The following TSC22D1 variants were observed in gnomAD, a reference collection of about 807,000 sequenced individuals.
TSC22D1 encodes TSC22 domain family member 1.
A neutral mutation model predicts 74.2 loss-of-function variants in TSC22D1; 9 were observed. The ratio of observed to expected loss-of-function variants is 0.12; its 90% CI spans 0.07 to 0.21. The LOEUF is 0.21. Ranked by LOEUF, TSC22D1 falls within the 10% of genes least tolerant of loss-of-function variation. The pLI is 1.00. For synonymous variants in TSC22D1, 586 were observed against 492.5 expected (o/e 1.19, Z -2.51); for missense variants, 1,427 against 1,304.7 (o/e 1.09, Z -1.44).
chr13:44,500,841 T>C (rs1037219142), intron 1 of TSC22D1, among the ~76,000 whole-genome samples: 2 of 152,108 alleles, frequency 1.3e-5, no homozygotes, highest in Non-Finnish European at 2.9e-5. Context: ...CACACCACCA[T>C]GCCTGGCTAA....
At chr13:44,466,927 C>G (rs1254040886) in intron 1 of TSC22D1, among the ~76,000 whole-genome samples, 1 of 152,048 alleles carries the variant, frequency 6.6e-6, no homozygotes. Flanking sequence ...CTTTGGGAGG[C>G]CGAGGTGGGC....
chr13:44,454,951 T>C (rs1202333211), intron 1 of TSC22D1, among the ~76,000 whole-genome samples: 1 of 152,094 alleles, frequency 6.6e-6, no homozygotes, highest in African/African-American at 2.4e-5. Context: ...ATTCAACAAA[T>C]ATATATTGAG....
intron 1 of TSC22D1, among the ~76,000 whole-genome samples, chr13:44,491,559 A>G (rs973495610): frequency 2.6e-4 from 39 of 151,868 alleles, no homozygotes; most frequent in Non-Finnish European, 5.6e-4. Flanking sequence ...GTCTCAAAAA[A>G]AAAAAAAAAA....
intron 1 of TSC22D1, chr13:44,451,612 AATT>A (rs1876139569): frequency 6.6e-6 from 1 of 152,268 alleles, no homozygotes; most frequent in Admixed American, 6.5e-5. Flanking sequence ...AACTGAGCAC[AATT>A]AATAGCAGTT....
chr13:44,482,041 G>T (rs997576463), intron 1 of TSC22D1, among the ~76,000 whole-genome samples: 2 of 152,024 alleles, frequency 1.3e-5, no homozygotes, highest in Non-Finnish European at 1.5e-5. Flanking sequence ...CAAATATAAA[G>T]GGTGCTTAAT....
At chr13:44,508,090 T>G (rs1241835822) in intron 1 of TSC22D1, among the ~76,000 whole-genome samples, 3 of 152,242 alleles carry the variant, frequency 2.0e-5, no homozygotes, top group Non-Finnish European at 4.4e-5. Context: ...AAACATGTTG[T>G]TAATAAAATG....
Position 44,575,889 on chromosome 13 carries a change from C to G in TSC22D1, c.186G>C (p.Ser62=). The G allele has an allele frequency of 6.2e-7, 1 of 1,613,966 alleles. No individual in the cohort carries two copies. The highest frequency in any genetic ancestry group is 8.5e-7 in the Non-Finnish European group (1 of 1,180,002). The stretch of plus-strand genomic sequence containing the variant: ...CTGCAGGGGGCGGCGGCTGAAGCAG[C>G]GACGGAGGCGGAAAATCCTCGGAAG... ...ATSSEDFPPP[S]LLQPPPPAAS... is the part of the protein sequence containing the mutation. The change falls in exon 1 of 3, where the codon TCG becomes TCC. Residue 62 remains serine, a synonymous_variant. Transcript: ENST00000458659.
At chr13:44,449,544 CTG>C (rs1875957928) in intron 1 of TSC22D1, among the ~76,000 whole-genome samples, 1 of 152,118 alleles carries the variant, frequency 6.6e-6, no homozygotes, top group Non-Finnish European at 1.5e-5. Flanking sequence ...TTAAGAACTT[CTG>C]TGGTGTCCCA....
chr13:44,546,922 C>G (rs1366634565), intron 1 of TSC22D1, among the ~76,000 whole-genome samples: 1 of 151,998 alleles, frequency 6.6e-6, no homozygotes, highest in Non-Finnish European at 1.5e-5. Context: ...AGGGACACAC[C>G]ACCATGCTTG....
At chr13:44,551,246 G>A (rs1341286628) in intron 1 of TSC22D1, among the ~76,000 whole-genome samples, 1 of 152,116 alleles carries the variant, frequency 6.6e-6, no homozygotes, top group Non-Finnish European at 1.5e-5. Context: ...ACTCCAGCCT[G>A]GGTGACAGAG....
chr13:44,563,690 C>T (rs889318958), intron 1 of TSC22D1, among the ~76,000 whole-genome samples: 3 of 150,858 alleles, frequency 2.0e-5, no homozygotes, highest in Non-Finnish European at 4.4e-5. Context: ...AGTAACACTG[C>T]TTTTCTGACC....
chr13:44,447,990 T>C (rs186902869), intron 1 of TSC22D1, among the ~76,000 whole-genome samples: 1 of 152,142 alleles, frequency 6.6e-6, no homozygotes, highest in East Asian at 1.9e-4. Context: ...ATGAAAATAA[T>C]AAGCATTTCA....
In TSC22D1 at chr13:44,576,069, G is replaced by C; in HGVS notation, c.6C>G (p.His2Gln). 1 of 1,557,064 alleles carries C rather than the reference G, an allele frequency of 6.4e-7. No homozygotes were observed. Among genetic ancestry groups the C allele is most frequent in the Non-Finnish European group, 8.7e-7 (1 of 1,155,000 alleles). Residue 2 changes from histidine to glutamine, a missense_variant, in exon 1 of 3, where the codon CAC becomes CAG. His to Gln is a conservative substitution (Grantham distance 24). Coordinates refer to ENST00000458659, the MANE Select transcript of TSC22D1 (RefSeq NM_183422.4). ...CCGCGGCGGTGGACTCAGGCGGCTG[G>C]TGCATTGTGTTGGGTACCGGGGGCG... M[H>Q]QPPESTAAAA...
At chr13:44,451,798 T>C (rs1451479042) in intron 1 of TSC22D1, among the ~76,000 whole-genome samples, 4 of 152,198 alleles carry the variant, frequency 2.6e-5, no homozygotes, top group African/African-American at 9.6e-5. Flanking sequence ...CCCAGTGAGC[T>C]ATAGGGGGCA....
Position 44,575,637 on chromosome 13 carries a change from C to G in TSC22D1, c.438G>C (p.Thr146=). Residue 146 remains threonine, a synonymous_variant, in exon 1 of 3, where the codon ACG becomes ACC. Coordinates refer to ENST00000458659, the MANE Select transcript of TSC22D1 (RefSeq NM_183422.4). ...ESYDDLDESH[T]EDLSSSEILD... ...GGATCTCCGAAGAAGAGAGATCTTC[C>G]GTGTGAGATTCATCCAGATCATCAT... The G allele has an allele frequency of 6.2e-7, 1 of 1,614,170 alleles. No individual in the cohort carries two copies. Among genetic ancestry groups the G allele is most frequent in the Non-Finnish European group, 8.5e-7 (1 of 1,180,040 alleles).
intron 1 of TSC22D1, among the ~76,000 whole-genome samples, chr13:44,502,876 T>C (rs1159490065): frequency 6.6e-6 from 1 of 152,244 alleles, no homozygotes; most frequent in Non-Finnish European, 1.5e-5. Flanking sequence ...TGATCTGCTT[T>C]TTTAAAATCT....
At chr13:44,452,083 C>T (rs754624677) in intron 1 of TSC22D1, among the ~76,000 whole-genome samples, 5 of 152,092 alleles carry the variant, frequency 3.3e-5, no homozygotes, top group Non-Finnish European at 7.4e-5. Flanking sequence ...AAGCTTAGTC[C>T]GACTTGACAG....
chr13:44,559,248 T>C (rs1882880128), intron 1 of TSC22D1, among the ~76,000 whole-genome samples: 3 of 152,086 alleles, frequency 2.0e-5, no homozygotes, highest in Admixed American at 1.3e-4. Flanking sequence ...CAGTGGACAG[T>C]CTATAGCCCA....
intron 1 of TSC22D1, among the ~76,000 whole-genome samples, chr13:44,544,385 G>A (rs143679703): frequency 6.0e-5 from 9 of 150,614 alleles, no homozygotes; most frequent in African/African-American, 1.9e-4. Flanking sequence ...CAAGTTCTTC[G>A]GAATTAGTTA....
Sources: gnomAD v4.1 joint callset for allele counts (sites outside exome capture counted in the v4.1 genomes callset) on GRCh38, gnomAD v4.1.1 for gene constraint, MANE v1.5 for transcripts, NCBI Gene and HGNC (gene_info 2026-07-23, HGNC 2026-07-21) for gene names.